ADK: variants seen among roughly 807,000 people sequenced by gnomAD.
The protein encoded by ADK is N6,N6-dimethyladenosine kinase.
In ADK, 24 loss-of-function variants were observed where a neutral mutation model predicts 44.7. The ratio of observed to expected loss-of-function variants is 0.54; its 90% CI spans 0.39 to 0.76. The LOEUF is 0.76. ADK is among the 30% of genes least tolerant of loss of function. The pLI is 0.00. For synonymous variants in ADK, 128 were observed against 142.6 expected, an observed-to-expected ratio of 0.90 and a Z score of 0.73; for missense variants, 321 against 425.1, an observed-to-expected ratio of 0.76 and a Z score of 2.15.
chr10:74,380,325 A>G (rs1398824186), intron 4 of ADK, among the ~76,000 whole-genome samples: 1 of 152,210 alleles, frequency 6.6e-6, no homozygotes, highest in Non-Finnish European at 1.5e-5. Flanking sequence ...AAAATAAATC[A>G]TTATATGCTG....
chr10:74,669,095 T>A (rs1347686078), intron 9 of ADK, among the ~76,000 whole-genome samples: 1 of 152,122 alleles, frequency 6.6e-6, no homozygotes, highest in Admixed American at 6.6e-5. Flanking sequence ...TCTTCTTGAA[T>A]ATCAGTCATT....
intron 3 of ADK, among the ~76,000 whole-genome samples, chr10:74,231,961 G>T (rs1429022441): frequency 1.6e-4 from 23 of 146,572 alleles, no homozygotes; most frequent in Non-Finnish European, 2.6e-4. Context: ...TTTTTTGTTT[G>T]TCTTTTTTTT....
At position 74,567,784 on chromosome 10, in the gene ADK, C is replaced by T. The variant is rs189012844; in HGVS notation, c.727-21498C>T. On this transcript the variant is annotated intron_variant, in intron 7 of 10. Coordinates refer to ENST00000539909, the MANE Select transcript of ADK (RefSeq NM_006721.4). ...CGCGATCTCAGCTCACTGCAACCTC[C>T]GCCTCCCAGATTCACGCCATTCTCC... Among the ~76,000 whole-genome samples the T allele has an allele frequency of 1.1e-3, 171 of 151,080 alleles. 1 individual carries two copies. Among genetic ancestry groups the T allele is most frequent in the African/African-American group, 3.8e-3 (158 of 41,150 alleles).
chr10:74,206,971 A>G (rs976122662), intron 2 of ADK, among the ~76,000 whole-genome samples: 5 of 152,074 alleles, frequency 3.3e-5, no homozygotes, highest in Non-Finnish European at 5.9e-5. Flanking sequence ...GGCTCATGCT[A>G]CCAGCCTGGA....
At position 74,487,113 on chromosome 10, in the gene ADK, G is replaced by A. The variant is rs1589160991; in HGVS notation, c.556-38143G>A. Among the ~76,000 whole-genome samples, 3 of 152,046 alleles carry A rather than the reference G, an allele frequency of 2.0e-5. No individual in the cohort carries two copies. In the East Asian group the frequency reaches 5.8e-4, roughly 29 times the overall value. ...TCTTGTAAACACTGATTATGATAGT[G>A]TTTTGAAAAATTAAAAGCCTCCAAA... On this transcript the variant is annotated intron_variant, in intron 6 of 10. Transcript: ENST00000539909.
chr10:74,176,739 C>A (rs1236922185), intron 1 of ADK: 10 of 1,516,778 alleles, frequency 6.6e-6, no homozygotes, highest in African/African-American at 1.4e-5. Context: ...CGCCCGCGCG[C>A]GGGGTGTGTG....
intron 1 of ADK, among the ~76,000 whole-genome samples, chr10:74,200,156 GTTT>G (rs760622376): frequency 8.1e-5 from 8 of 99,272 alleles, no homozygotes; most frequent in African/African-American, 3.3e-4. Flanking sequence ...GACACCATCT[GTTT>G]TTTTTTTTTT....
At chr10:74,180,456 CTTTTTTTTTTTT>C in intron 1 of ADK, among the ~76,000 whole-genome samples, 1 of 68,252 alleles carries the variant, frequency 1.5e-5, no homozygotes, top group Non-Finnish European at 2.8e-5. Context: ...CCAGGCTAGT[CTTTTTTTTTTTT>C]TTTTTTTTTG....
chr10:74,428,395 G>A (rs1251744565), intron 6 of ADK, among the ~76,000 whole-genome samples: 2 of 152,188 alleles, frequency 1.3e-5, no homozygotes, highest in African/African-American at 4.8e-5. Flanking sequence ...AGTAAGATAA[G>A]TTGTTTGTTA....
At chr10:74,446,779 T>C (rs1000425625) in intron 6 of ADK, among the ~76,000 whole-genome samples, 1 of 152,158 alleles carries the variant, frequency 6.6e-6, no homozygotes, top group African/African-American at 2.4e-5. Flanking sequence ...TTGTATTTCC[T>C]CCTATTTAGA....
chr10:74,237,166 G>C (rs1433904091), intron 3 of ADK, among the ~76,000 whole-genome samples: 1 of 152,208 alleles, frequency 6.6e-6, no homozygotes, highest in Non-Finnish European at 1.5e-5. Context: ...GAAAATTGGA[G>C]TCAGTCCTCT....
At chr10:74,543,222 A>C (rs1753408340) in intron 7 of ADK, among the ~76,000 whole-genome samples, 1 of 151,826 alleles carries the variant, frequency 6.6e-6, no homozygotes, top group African/African-American at 2.4e-5. Flanking sequence ...AAAAAAAAAA[A>C]AAACTGAGAC....
At chr10:74,681,643 C>G (rs531092110) in intron 10 of ADK, among the ~76,000 whole-genome samples, 1 of 75,374 alleles carries the variant, frequency 1.3e-5, no homozygotes, top group African/African-American at 4.5e-5. Flanking sequence ...GTCAGGAGTT[C>G]GAGACCACCG....
chr10:74,246,507 A>G (rs929922230), intron 3 of ADK, among the ~76,000 whole-genome samples: 3 of 152,192 alleles, frequency 2.0e-5, no homozygotes, highest in Non-Finnish European at 4.4e-5. Context: ...TAAGGTCTGG[A>G]TGGGGAGACA....
At chr10:74,315,563 T>G (rs1840589911) in intron 4 of ADK, among the ~76,000 whole-genome samples, 1 of 152,196 alleles carries the variant, frequency 6.6e-6, no homozygotes, top group Non-Finnish European at 1.5e-5. Flanking sequence ...CCTCTGCAGT[T>G]TGAAGTTAAC....
rs758934914 is a variant in ADK, at chr10:74,473,693, G to T, written c.556-51563G>T. ...AATGTATCACATCAAGGTGTACGTA[G>T]TATCAATCTGTTACTGTTAGTGTGA... On this transcript the variant is annotated intron_variant, in intron 6 of 10. Transcript: ENST00000539909. Among the ~76,000 whole-genome samples, 77 of 152,324 alleles carry T rather than the reference G, an allele frequency of 5.1e-4. No individual in the cohort carries two copies. In the South Asian group the frequency reaches 6.2e-3, roughly 12 times the overall value.
chr10:74,553,580 G>A (rs1464990174), intron 7 of ADK, among the ~76,000 whole-genome samples: 3 of 152,038 alleles, frequency 2.0e-5, no homozygotes, highest in Non-Finnish European at 4.4e-5. Context: ...ATAAATCTCA[G>A]GAACATTATG....
intron 6 of ADK, among the ~76,000 whole-genome samples, chr10:74,425,292 C>T (rs1384364299): frequency 6.6e-6 from 1 of 152,134 alleles, no homozygotes; most frequent in Non-Finnish European, 1.5e-5. Flanking sequence ...TACCTGCACC[C>T]AGCATCAAGT....
At chr10:74,261,147 G>A (rs1846022116) in intron 3 of ADK, among the ~76,000 whole-genome samples, 1 of 152,124 alleles carries the variant, frequency 6.6e-6, no homozygotes, top group Non-Finnish European at 1.5e-5. Flanking sequence ...TAAGTATTGA[G>A]TGCTGTAATA....
Sources: allele counts gnomAD v4.1 joint callset (sites outside exome capture counted in the v4.1 genomes callset), GRCh38; gene constraint gnomAD v4.1.1; transcripts MANE v1.5; gene names NCBI Gene and HGNC (gene_info 2026-07-23, HGNC 2026-07-21).